The following TMTC1 variants were observed in gnomAD, a reference collection of about 807,000 sequenced individuals.
TMTC1 encodes the protein protein O-mannosyl-transferase TMTC1.
A neutral mutation model predicts 104.8 loss-of-function variants in TMTC1; 73 were observed. The ratio of observed to expected loss-of-function variants is 0.70; its 90% confidence interval spans 0.58 to 0.85. The LOEUF is 0.85. TMTC1 is among the 40% of genes least tolerant of loss of function. The pLI is 0.00. For synonymous variants in TMTC1, 434 were observed against 428.7 expected (o/e 1.01, Z -0.15); for missense variants, 1,035 against 1,096.1 (o/e 0.94, Z 0.79).
At chr12:29,536,954 G>T (rs1373330435) in intron 10 of TMTC1, among the ~76,000 whole-genome samples, 1 of 152,134 alleles carries the variant, frequency 6.6e-6, no homozygotes, top group East Asian at 1.9e-4. Context: ...TTCCCCCAGT[G>T]ATGACACTTC....
chr12:29,617,239 G>A (rs1253776845), intron 6 of TMTC1, among the ~76,000 whole-genome samples: 3 of 151,960 alleles, frequency 2.0e-5, no homozygotes, highest in Non-Finnish European at 2.9e-5. Flanking sequence ...ACAAGGAGCA[G>A]GCAGATGACG....
intron 9 of TMTC1, among the ~76,000 whole-genome samples, chr12:29,561,246 C>T (rs374310343): frequency 5.3e-5 from 8 of 151,596 alleles, no homozygotes; most frequent in South Asian, 2.1e-4. Context: ...AGAAGGCAGC[C>T]GGCTCCTGTA....
intron 5 of TMTC1, among the ~76,000 whole-genome samples, chr12:29,698,786 T>C (rs10843492): frequency 0.24 from 36,949 of 152,054 alleles, 4,858 homozygotes; most frequent in Admixed American, 0.32. Context: ...ATCTTGAAAA[T>C]GAAAATATTA....
At chr12:29,713,514 T>C (rs1049640125) in intron 5 of TMTC1, among the ~76,000 whole-genome samples, 3 of 152,078 alleles carry the variant, frequency 2.0e-5, no homozygotes, top group African/African-American at 7.2e-5. Context: ...CTGAGTTACA[T>C]AAATTTGCAA....
intron 12 of TMTC1, 115 bp downstream of exon 12, chr12:29,520,503 G>A (rs546953005): frequency 1.9e-5 from 16 of 844,660 alleles, no homozygotes; most frequent in Middle Eastern, 2.6e-4. Flanking sequence ...TCAATAGTGT[G>A]AGCTTCCTGC....
At chr12:29,627,845 G>T (rs1938084885) in intron 6 of TMTC1, among the ~76,000 whole-genome samples, 1 of 152,156 alleles carries the variant, frequency 6.6e-6, no homozygotes, top group Admixed American at 6.5e-5. Context: ...TTGAAAAACA[G>T]CAGGTGCAAA....
At chr12:29,602,156 T>C (rs1284467363) in intron 7 of TMTC1, among the ~76,000 whole-genome samples, 1 of 151,788 alleles carries the variant, frequency 6.6e-6, no homozygotes, top group African/African-American at 2.4e-5. Context: ...AAATTTATTT[T>C]TTCTGAGACA....
intron 10 of TMTC1, among the ~76,000 whole-genome samples, chr12:29,536,651 TG>T (rs1944653207): frequency 6.6e-6 from 1 of 152,086 alleles, no homozygotes; most frequent in Non-Finnish European, 1.5e-5. Context: ...AGGAACAATT[TG>T]GGGGAAATTG....
At chr12:29,778,868 G>T (rs1943771169) in intron 1 of TMTC1, among the ~76,000 whole-genome samples, 1 of 152,162 alleles carries the variant, frequency 6.6e-6, no homozygotes, top group African/African-American at 2.4e-5. Context: ...TGATGCTTCT[G>T]TGTCTATTAT....
chr12:29,766,516 C>A (rs537833978), intron 2 of TMTC1, among the ~76,000 whole-genome samples: 2 of 152,142 alleles, frequency 1.3e-5, no homozygotes, highest in Non-Finnish European at 2.9e-5. Flanking sequence ...GTTTGTGATG[C>A]CTTAATTGGA....
At chr12:29,601,845 T>TC (rs1218650671) in intron 7 of TMTC1, among the ~76,000 whole-genome samples, 1 of 151,558 alleles carries the variant, frequency 6.6e-6, no homozygotes, top group Admixed American at 6.6e-5. Flanking sequence ...TCTCTTTTTT[T>TC]TTTTTTTTTT....
intron 5 of TMTC1, among the ~76,000 whole-genome samples, chr12:29,738,049 C>CA (rs1006912612): frequency 6.6e-6 from 1 of 152,120 alleles, no homozygotes; most frequent in African/African-American, 2.4e-5. Flanking sequence ...GATTAGGGTA[C>CA]AACAGTAAGT....
chr12:29,632,919 T>A (rs755106009), intron 6 of TMTC1, among the ~76,000 whole-genome samples: 15 of 152,010 alleles, frequency 9.9e-5, no homozygotes, highest in Non-Finnish European at 2.2e-4. Flanking sequence ...ACCACAGTAG[T>A]AACCTCTCAT....
intron 7 of TMTC1, among the ~76,000 whole-genome samples, chr12:29,593,780 A>G (rs1241485320): frequency 6.6e-6 from 1 of 152,240 alleles, no homozygotes. Context: ...TTTGCATTCA[A>G]ACCTGATAAG....
chr12:29,602,091 C>T (rs1946582694), intron 7 of TMTC1, among the ~76,000 whole-genome samples: 1 of 151,964 alleles, frequency 6.6e-6, no homozygotes, highest in African/African-American at 2.4e-5. Context: ...GCCTCGGCCT[C>T]CCAAAGTGCT....
intron 5 of TMTC1, among the ~76,000 whole-genome samples, chr12:29,651,297 C>A (rs1939507531): frequency 6.6e-6 from 1 of 152,074 alleles, no homozygotes; most frequent in African/African-American, 2.4e-5. Flanking sequence ...ACTGAACTGG[C>A]ACTATAGTTG....
At chr12:29,746,434 A>C (rs934564666) in intron 5 of TMTC1, among the ~76,000 whole-genome samples, 12 of 152,206 alleles carry the variant, frequency 7.9e-5, no homozygotes, top group African/African-American at 2.9e-4. Context: ...GGTTTCTCTC[A>C]AAGATGGTAC....
intron 5 of TMTC1, among the ~76,000 whole-genome samples, chr12:29,647,466 C>T (rs1357963887): frequency 6.6e-6 from 1 of 152,134 alleles, no homozygotes; most frequent in Non-Finnish European, 1.5e-5. Flanking sequence ...ATTCAATGTT[C>T]GGAGGTTATT....
chr12:29,650,569 C>A (rs1428767174), intron 5 of TMTC1, among the ~76,000 whole-genome samples: 1 of 152,156 alleles, frequency 6.6e-6, no homozygotes, highest in African/African-American at 2.4e-5. Flanking sequence ...TTTCAGTGAC[C>A]AGATCATGGT....
Sources: allele counts gnomAD v4.1 joint callset (sites outside exome capture counted in the v4.1 genomes callset), GRCh38; gene constraint gnomAD v4.1.1; transcripts MANE v1.5; gene names NCBI Gene and HGNC (gene_info 2026-07-23, HGNC 2026-07-21).